The following ARNT2 variants were observed in gnomAD, a reference collection of about 807,000 sequenced individuals.
The protein encoded by ARNT2 is ARNT protein 2.
In ARNT2, 36 loss-of-function variants were observed where a neutral mutation model predicts 91.7. The observed-to-expected ratio is 0.39, with a 90% CI of 0.30 to 0.52. The LOEUF (loss-of-function observed/expected upper bound fraction) is 0.52. Ranked by LOEUF, ARNT2 falls within the 20% of genes least tolerant of loss-of-function variation. The probability of loss-of-function intolerance (pLI) is 0.72; values close to 1 mark genes in which losing one functional copy is unlikely to be tolerated. For synonymous variants in ARNT2, 365 were observed against 347.1 expected, an observed-to-expected ratio of 1.05 and a Z score of -0.57; for missense variants, 775 against 939.3, an observed-to-expected ratio of 0.83 and a Z score of 2.29.
intron 3 of ARNT2, among the ~76,000 whole-genome samples, chr15:80,467,880 A>G (rs1408998641): frequency 6.6e-6 from 1 of 152,040 alleles, no homozygotes; most frequent in East Asian, 1.9e-4. Context: ...TGCCACCACT[A>G]ATTTACCTAA....
At chr15:80,431,451 T>G (rs887342381) in intron 1 of ARNT2, among the ~76,000 whole-genome samples, 8 of 152,166 alleles carry the variant, frequency 5.3e-5, no homozygotes, top group African/African-American at 1.7e-4. Flanking sequence ...CCTTTCCCAG[T>G]AACAATGAGG....
At chr15:80,426,943 G>A (rs915863209) in intron 1 of ARNT2, among the ~76,000 whole-genome samples, 3 of 152,048 alleles carry the variant, frequency 2.0e-5, no homozygotes, top group African/African-American at 7.2e-5. Flanking sequence ...CGAGCTGTCT[G>A]GTATGTCTTC....
At chr15:80,503,171 T>C (rs1051727388) in intron 5 of ARNT2, among the ~76,000 whole-genome samples, 6 of 152,198 alleles carry the variant, frequency 3.9e-5, no homozygotes, top group Non-Finnish European at 7.4e-5. Context: ...GCCTCTCTAC[T>C]GGGAGCCGGT....
chr15:80,480,675 T>C (rs1595980910), intron 5 of ARNT2, among the ~76,000 whole-genome samples: 1 of 152,078 alleles, frequency 6.6e-6, no homozygotes, highest in East Asian at 1.9e-4. Context: ...GTGTAGAAAA[T>C]AGCTTCAAAA....
chr15:80,408,502 G>A (rs567786177), intron 1 of ARNT2, among the ~76,000 whole-genome samples: 2 of 152,330 alleles, frequency 1.3e-5, no homozygotes, highest in African/African-American at 4.8e-5. Flanking sequence ...GTGTGAGGCA[G>A]ACAAGATTTG....
At chr15:80,559,558 C>T (rs1898283643) in intron 11 of ARNT2, among the ~76,000 whole-genome samples, 1 of 152,202 alleles carries the variant, frequency 6.6e-6, no homozygotes, top group Non-Finnish European at 1.5e-5. Flanking sequence ...TGGATTTAAA[C>T]AAAAGCACTT....
In ARNT2 at chr15:80,519,621, T is replaced by C. The variant is rs543584991; in HGVS notation, c.877+5216T>C. On this transcript the variant is annotated intron_variant, in intron 8 of 18. Transcript: ENST00000303329. Reference sequence around the variant, plus strand: ...AGGGTGAAATTCACCAGAACTGTTTTAGGGTAAAGATTTGGGGCCTACAAG... The same window carrying C: ...AGGGTGAAATTCACCAGAACTGTTTCAGGGTAAAGATTTGGGGCCTACAAG... 3.1e-4 allele frequency among the ~76,000 whole-genome samples: 47 copies of C among 152,040 alleles called. 1 individual carries two copies. Among genetic ancestry groups the C allele is most frequent in the Non-Finnish European group, 5.9e-4 (40 of 67,984 alleles).
chr15:80,429,185 G>T (rs1428078187), intron 1 of ARNT2, among the ~76,000 whole-genome samples: 1 of 152,178 alleles, frequency 6.6e-6, no homozygotes, highest in Non-Finnish European at 1.5e-5. Context: ...AGTGTCTTTT[G>T]TGTATTAATG....
intron 12 of ARNT2, among the ~76,000 whole-genome samples, chr15:80,569,054 A>G (rs1362376668): frequency 6.6e-6 from 1 of 152,188 alleles, no homozygotes; most frequent in East Asian, 1.9e-4. Flanking sequence ...AGGCATGCAG[A>G]TGGTGCTCAG....
chr15:80,430,812 A>G (rs1895996825), intron 1 of ARNT2, among the ~76,000 whole-genome samples: 1 of 152,188 alleles, frequency 6.6e-6, no homozygotes, highest in Non-Finnish European at 1.5e-5. Context: ...CCCTGACAGC[A>G]GTTGGGCAGC....
chr15:80,559,249 C>T lies in ARNT2; in HGVS notation c.1165-3839C>T, dbSNP rs1022933034. ...ACCCTGATATCCAGGTTAAGTAACT[C>T]TCACTCTGTGAGCAGCCACCACATT... On this transcript the variant is annotated intron_variant, in intron 11 of 18. Transcript: ENST00000303329. 1.3e-4 allele frequency among the ~76,000 whole-genome samples: 20 copies of T among 152,254 alleles called. 1 individual carries two copies. The highest frequency in any genetic ancestry group is 1.2e-3 in the Admixed American group (19 of 15,294).
chr15:80,516,336 G>T (rs753427710), intron 8 of ARNT2, among the ~76,000 whole-genome samples: 16 of 152,072 alleles, frequency 1.1e-4, no homozygotes, highest in Non-Finnish European at 1.5e-4. Flanking sequence ...CTCCTTGTAG[G>T]TCTTTTTTTG....
At chr15:80,437,111 G>A (rs1472437728) in intron 1 of ARNT2, among the ~76,000 whole-genome samples, 3 of 151,892 alleles carry the variant, frequency 2.0e-5, no homozygotes, top group African/African-American at 4.8e-5. Flanking sequence ...TGTATATTCA[G>A]GGCCTTATAC....
chr15:80,569,272 G>A (rs931248402), intron 12 of ARNT2, among the ~76,000 whole-genome samples: 8 of 152,158 alleles, frequency 5.3e-5, no homozygotes, highest in African/African-American at 1.4e-4. Context: ...GCAGGAAGCC[G>A]CACTTGATGC....
intron 8 of ARNT2, among the ~76,000 whole-genome samples, chr15:80,536,717 T>C (rs933912212): frequency 6.6e-6 from 1 of 152,148 alleles, no homozygotes; most frequent in East Asian, 1.9e-4. Context: ...GCATCATGGG[T>C]AAAAGGAAGC....
intron 5 of ARNT2, among the ~76,000 whole-genome samples, chr15:80,498,575 C>A (rs1897150483): frequency 6.6e-6 from 1 of 152,186 alleles, no homozygotes; most frequent in African/African-American, 2.4e-5. Flanking sequence ...CATTAGGGGA[C>A]CTGTACCTCC....
chr15:80,505,924 G>GTTTTTTTTTTTTCTTTTTTTTT (rs1486880107), intron 5 of ARNT2, among the ~76,000 whole-genome samples: 1 of 71,188 alleles, frequency 1.4e-5, no homozygotes, highest in African/African-American at 6.6e-5. Flanking sequence ...CCCAACATTT[G>GTTTTTTTTTTTTCTTTTTTTTT]TTGTTTTTTT....
intron 8 of ARNT2, among the ~76,000 whole-genome samples, chr15:80,537,991 A>G (rs1314965843): frequency 1.3e-5 from 2 of 152,350 alleles, no homozygotes; most frequent in South Asian, 2.1e-4. Flanking sequence ...CGTGGGACAC[A>G]AGGAGAATGC....
At chr15:80,442,029 T>A (rs1002670791) in intron 1 of ARNT2, among the ~76,000 whole-genome samples, 1 of 152,242 alleles carries the variant, frequency 6.6e-6, no homozygotes, top group Non-Finnish European at 1.5e-5. Context: ...TGCCATCGGT[T>A]ATGATCAGGG....
Sources: allele counts gnomAD v4.1 joint callset (sites outside exome capture counted in the v4.1 genomes callset), GRCh38; gene constraint gnomAD v4.1.1; transcripts MANE v1.5; gene names NCBI Gene and HGNC (gene_info 2026-07-23, HGNC 2026-07-21).